The following PPP1R12C variants were observed in gnomAD, a reference collection of about 807,000 sequenced individuals.
PPP1R12C encodes the protein leukocyte receptor cluster (LRC) encoded novel gene 3.
A neutral mutation model predicts 95.6 loss-of-function variants in PPP1R12C; 48 were observed. That is an observed-to-expected ratio of 0.50 (90% CI 0.40 to 0.64). The LOEUF is 0.64. Ranked by LOEUF, PPP1R12C falls within the 30% of genes least tolerant of loss-of-function variation. The pLI, the probability that PPP1R12C is intolerant of heterozygous loss-of-function variation, is 0.00. For missense variants in PPP1R12C, 1,057 were observed against 1,083.3 expected (o/e 0.98, Z 0.34); for synonymous variants, 480 against 460.8 (o/e 1.04, Z -0.53).
intron 6 of PPP1R12C, chr19:55,097,048 A>G (rs1168487623): frequency 1.4e-5 from 3 of 209,902 alleles, no homozygotes; most frequent in African/African-American, 7.5e-5. Flanking sequence ...GCAGTTCACC[A>G]CCGTCTTCAC....
chr19:55,095,235 G>A lies in PPP1R12C; in HGVS notation c.1454+56C>T, dbSNP rs1602975590. 2.7e-6 allele frequency: 4 copies of A among 1,499,382 alleles called. No homozygotes were observed. The East Asian group carries it at 7.4e-5, about 28-fold the overall frequency. The allele number at this position is 1,499,382 out of a possible 1,614,324, so 92.9% of individuals were successfully genotyped here. On this transcript the variant is annotated intron_variant, in intron 11 of 21. Coordinates refer to ENST00000263433, the MANE Select transcript of PPP1R12C (RefSeq NM_017607.4). ...GTCTCACTCAGGATCACACGGACAG[G>A]CTTGGAACCCACATCTGCCACCCAC...
chr19:55,096,428 C>T, intron 6 of PPP1R12C, 93 bp from the exon 7 acceptor site: 2 of 1,442,656 alleles, frequency 1.4e-6, no homozygotes, highest in Non-Finnish European at 1.9e-6. Flanking sequence ...GCTCACTGCC[C>T]AGGCGGGCAC....
At chr19:55,103,940 A>C (rs1340177685) in intron 3 of PPP1R12C, among the ~76,000 whole-genome samples, 1 of 149,926 alleles carries the variant, frequency 6.7e-6, no homozygotes, top group Non-Finnish European at 1.5e-5. Flanking sequence ...TCACGAGCTC[A>C]GGACTTCAAG....
In PPP1R12C at chr19:55,091,691, C is replaced by A; in HGVS notation, c.2221G>T (p.Ala741Ser). 5.6e-6 allele frequency: 9 copies of A among 1,611,806 alleles called. No homozygotes were observed. The highest frequency in any genetic ancestry group is 2.7e-5 in the African/African-American group (2 of 74,860). The change falls in exon 21 of 22, where the codon GCC becomes TCC. Residue 741 changes from alanine to serine, a missense_variant. Physicochemically the swap from Ala to Ser is moderately conservative, Grantham distance 99. Coordinates refer to ENST00000263433, the MANE Select transcript of PPP1R12C (RefSeq NM_017607.4). The part of the protein sequence containing the change: ...LLELERFERR[A>S]LERKAAELEE... ...AGCTCTGCGGCCTTGCGTTCCAGGG[C>A]CCTGCGCTCCTGGAATGAACAGGGA...
chr19:55,104,312 C>CTA (rs1317289207), intron 3 of PPP1R12C, among the ~76,000 whole-genome samples: 1 of 147,494 alleles, frequency 6.8e-6, no homozygotes, highest in Non-Finnish European at 1.5e-5. Context: ...TACACATTTC[C>CTA]TATATATATA....
intron 1 of PPP1R12C, chr19:55,113,280 C>A: frequency 1.3e-6 from 1 of 773,572 alleles, no homozygotes; most frequent in East Asian, 3.0e-5. Flanking sequence ...AGATACTCTG[C>A]AGGAACGAAG....
At chr19:55,096,200 C>T in intron 7 of PPP1R12C, 22 bp from the exon 8 acceptor site, 2 of 1,611,490 alleles carry the variant, frequency 1.2e-6, no homozygotes, top group Non-Finnish European at 8.5e-7. Context: ...GGAGAGGGTG[C>T]TGGGGTACAA....
intron 1 of PPP1R12C, chr19:55,114,930 G>T: frequency 6.6e-6 from 1 of 152,382 alleles, no homozygotes. Context: ...TCAGTCTGAA[G>T]AGCAGAGCCA....
At chr19:55,108,978 T>C (rs1032575759) in intron 3 of PPP1R12C, among the ~76,000 whole-genome samples, 2 of 152,230 alleles carry the variant, frequency 1.3e-5, no homozygotes, top group Non-Finnish European at 2.9e-5. Flanking sequence ...AGTGCTGGGA[T>C]GAAGACTGAA....
chr19:55,095,191 A>C, intron 11 of PPP1R12C, 100 bp downstream of exon 11: 2 of 1,325,970 alleles, frequency 1.5e-6, no homozygotes, highest in Non-Finnish European at 2.1e-6. Context: ...GGCAGGAACC[A>C]GACCCCAGGG....
At chr19:55,095,196 C>A in intron 11 of PPP1R12C, 95 bp downstream of exon 11, 1 of 1,370,150 alleles carries the variant, frequency 7.3e-7, no homozygotes, top group Non-Finnish European at 1.0e-6. Flanking sequence ...GAACCAGACC[C>A]CAGGGGGTAC....
chr19:55,092,354 T>C, intron 18 of PPP1R12C, 28 bp from the exon 19 acceptor site: 1 of 1,517,428 alleles, frequency 6.6e-7, no homozygotes, highest in South Asian at 1.2e-5. Flanking sequence ...GAGGGTCAGG[T>C]GGAGGATGGG....
chr19:55,093,220 G>T lies in PPP1R12C; in HGVS notation c.1697C>A (p.Thr566Lys). The stretch of plus-strand genomic sequence containing the variant: ...AGCCTTCTCTGCCTCCTTCAGGTCT[G>T]TAAGAGTCACACCCTGGCAGGGAAA... ...SRRSTQGVTL[T>K]DLKEAEKAAG... The change falls in exon 14 of 22, where the codon ACA becomes AAA. Residue 566 changes from threonine (T) to lysine (K), a missense_variant. Physicochemically the swap from Thr to Lys is moderately conservative, Grantham distance 78. Around this residue, in one of 5 missense-constraint regions of PPP1R12C, gnomAD observed 347 missense variants for 307.9 expected, o/e 1.13. Coordinates refer to ENST00000263433, the MANE Select transcript of PPP1R12C (RefSeq NM_017607.4). 2 of 1,613,260 alleles carry T rather than the reference G, an allele frequency of 1.2e-6. No homozygotes were observed. The highest frequency in any genetic ancestry group is 1.7e-6 in the Non-Finnish European group (2 of 1,179,888).
chr19:55,092,089 G>A (rs1203912239), intron 19 of PPP1R12C, 133 bp downstream of exon 19: 19 of 1,093,276 alleles, frequency 1.7e-5, no homozygotes, highest in Non-Finnish European at 2.5e-5. Flanking sequence ...CTCCGCCTCC[G>A]AGATCTCGGC....
At position 55,091,845 on chromosome 19, in the gene PPP1R12C, C is replaced by T; in HGVS notation, c.2211+14G>A. On this transcript the variant is annotated intron_variant, in intron 20 of 21. Transcript: ENST00000263433. The stretch of plus-strand genomic sequence containing the variant: ...GGGACGCCTCTGGCCCCCATCCCCA[C>T]TGCCCCTACTCACGAATCTCTCCAG... 6.2e-7 allele frequency: 1 copy of T among 1,613,464 alleles called. No individual in the cohort carries two copies. Among genetic ancestry groups the T allele is most frequent in the South Asian group, 1.1e-5 (1 of 91,088 alleles).
intron 3 of PPP1R12C, among the ~76,000 whole-genome samples, chr19:55,104,199 T>TATATATAC (rs34075382): frequency 2.5e-5 from 3 of 120,054 alleles, no homozygotes; most frequent in African/African-American, 7.4e-5. Context: ...TATATATATA[T>TATATATAC]ACACACACAC....
intron 3 of PPP1R12C, 99 bp downstream of exon 3, chr19:55,112,368 G>A: frequency 9.6e-7 from 1 of 1,038,194 alleles, no homozygotes; most frequent in Non-Finnish European, 1.4e-6. Flanking sequence ...CTAGGAAGCA[G>A]GGTCAGCCTC....
In PPP1R12C at chr19:55,091,221, G is replaced by A. The variant is rs1033330336; in HGVS notation, c.*251C>T. On this transcript the variant is annotated 3_prime_UTR_variant, in exon 22 of 22. Coordinates refer to ENST00000263433, the MANE Select transcript of PPP1R12C (RefSeq NM_017607.4). ...ACTTCTTGGTCCTCAGTTCCTTCCT[G>A]GTCCCGTCTCTGGCCCTGGTCCCCT... 18 of 555,460 alleles carry A rather than the reference G, an allele frequency of 3.2e-5. No individual in the cohort carries two copies. Among genetic ancestry groups the A allele is most frequent in the Middle Eastern group, 4.8e-4 (1 of 2,074 alleles). 34.4% of individuals were successfully genotyped at this position (555,460 alleles called of 1,614,324 possible).
intron 6 of PPP1R12C, 41 bp downstream of exon 6, chr19:55,098,743 C>T (rs747879507): frequency 6.2e-7 from 1 of 1,610,768 alleles, no homozygotes. Flanking sequence ...GCTGAGGGGA[C>T]ATGGGGAGTC....
Sources: gnomAD v4.1 joint callset for allele counts (sites outside exome capture counted in the v4.1 genomes callset) on GRCh38, gnomAD v4.1.1 for gene constraint, gnomAD v4.1.1 regional missense constraint, MANE v1.5 for transcripts, NCBI Gene and HGNC (gene_info 2026-07-23, HGNC 2026-07-21) for gene names.